The following BMPR1B variants were observed in gnomAD, a reference collection of about 807,000 sequenced individuals.
The protein encoded by BMPR1B is bone morphogenetic protein receptor type-1B.
A neutral mutation model predicts 59.1 loss-of-function variants in BMPR1B; 12 were observed. The ratio of observed to expected loss-of-function variants is 0.20; its 90% CI spans 0.13 to 0.33. The LOEUF is 0.33. BMPR1B is among the 10% of genes least tolerant of loss of function. BMPR1B has a pLI of 1.00. For synonymous variants in BMPR1B, 237 were observed against 207.3 expected, an observed-to-expected ratio of 1.14 and a Z score of -1.23; for missense variants, 550 against 610.9, an observed-to-expected ratio of 0.90 and a Z score of 1.05.
intron 2 of BMPR1B, among the ~76,000 whole-genome samples, chr4:94,980,608 T>A (rs1324681515): frequency 2.6e-5 from 4 of 152,196 alleles, no homozygotes; most frequent in African/African-American, 7.2e-5. Flanking sequence ...TCAGAATGAG[T>A]GTGGGTGTGT....
intron 3 of BMPR1B, among the ~76,000 whole-genome samples, chr4:95,022,242 G>A (rs2149138579): frequency 6.6e-6 from 1 of 152,186 alleles, no homozygotes; most frequent in East Asian, 1.9e-4. Context: ...TTGTTTTATT[G>A]GAAAGAAAAT....
intron 2 of BMPR1B, among the ~76,000 whole-genome samples, chr4:94,882,978 ATG>A (rs112253431): frequency 0.011 from 1,613 of 144,232 alleles, 22 homozygotes; most frequent in African/African-American, 0.033. Flanking sequence ...GTGTGTGTGT[ATG>A]TGTGTGTGTG....
chr4:94,987,814 G>GT (rs1455960553), intron 2 of BMPR1B, among the ~76,000 whole-genome samples: 2 of 151,834 alleles, frequency 1.3e-5, no homozygotes, highest in Non-Finnish European at 2.9e-5. Context: ...TTAATTATGG[G>GT]TATCTGTATG....
chr4:95,098,632 G>T (rs998794452), intron 3 of BMPR1B, among the ~76,000 whole-genome samples: 1 of 151,670 alleles, frequency 6.6e-6, no homozygotes, highest in African/African-American at 2.4e-5. Flanking sequence ...TTTTCTTAGC[G>T]TTTAAGGTGA....
chr4:94,991,482 A>G lies in BMPR1B; in HGVS notation c.-112-4558A>G, dbSNP rs1303678442. On this transcript the variant is annotated intron_variant, in intron 2 of 12. Coordinates refer to ENST00000515059, the MANE Select transcript of BMPR1B (RefSeq NM_001203.3). ...ATAGCAAATAACAAGGAAGTCTGCA[A>G]TTTTAAATAGTATGAGAGTGGTAGG... Among the ~76,000 whole-genome samples the G allele has an allele frequency of 9.2e-5, 14 of 152,242 alleles. 1 individual carries two copies. The highest frequency in any genetic ancestry group is 9.2e-4 in the Admixed American group (14 of 15,284).
chr4:95,120,283 C>T (rs778752830), intron 6 of BMPR1B, among the ~76,000 whole-genome samples: 3 of 152,220 alleles, frequency 2.0e-5, no homozygotes, highest in East Asian at 1.9e-4. Flanking sequence ...TGAGCAACTA[C>T]GTTGATTGTG....
chr4:94,844,194 T>G (rs1187400405), intron 1 of BMPR1B, among the ~76,000 whole-genome samples: 1 of 151,926 alleles, frequency 6.6e-6, no homozygotes, highest in Non-Finnish European at 1.5e-5. Flanking sequence ...AAAAAGAAAC[T>G]AATGTAGCCA....
At chr4:94,870,015 G>C (rs1726415547) in intron 1 of BMPR1B, among the ~76,000 whole-genome samples, 1 of 152,176 alleles carries the variant, frequency 6.6e-6, no homozygotes, top group Admixed American at 6.5e-5. Context: ...GTAGTCAGTA[G>C]ATTTACAAAG....
At chr4:94,826,733 C>T (rs930035678) in intron 1 of BMPR1B, among the ~76,000 whole-genome samples, 1 of 151,954 alleles carries the variant, frequency 6.6e-6, no homozygotes, top group African/African-American at 2.4e-5. Context: ...ACATTTTATT[C>T]TGCTTACCCA....
At chr4:94,885,801 A>T (rs1427248114) in intron 2 of BMPR1B, among the ~76,000 whole-genome samples, 1 of 152,212 alleles carries the variant, frequency 6.6e-6, no homozygotes, top group Admixed American at 6.5e-5. Flanking sequence ...CTAAATCTTC[A>T]GAAGAAGAAA....
intron 3 of BMPR1B, among the ~76,000 whole-genome samples, chr4:95,065,701 A>G (rs1225806043): frequency 6.6e-6 from 1 of 152,110 alleles, no homozygotes; most frequent in African/African-American, 2.4e-5. Flanking sequence ...AATTAAGTAC[A>G]TTATCCCTCC....
chr4:94,902,088 G>T (rs28361278), intron 2 of BMPR1B, among the ~76,000 whole-genome samples: 13,423 of 119,640 alleles, frequency 0.11, 730 homozygotes, highest in South Asian at 0.19. Context: ...TGTGTGTGTG[G>T]GGTGTATTTA....
In BMPR1B at chr4:95,085,328, C is replaced by T. The variant is rs144428129; in HGVS notation, c.-17-19080C>T. 2.0e-4 allele frequency among the ~76,000 whole-genome samples: 30 copies of T among 152,170 alleles called. No individual in the cohort carries two copies. In the East Asian group the frequency reaches 4.8e-3, roughly 25 times the overall value. On this transcript the variant is annotated intron_variant, in intron 3 of 12. Transcript: ENST00000515059. Reference sequence around the variant, plus strand: ...CAGCAAGCAAGGATGAAAGACAGTTCGCAAACAGGAGTTGCTTGTGAAGTC... The same window carrying T: ...CAGCAAGCAAGGATGAAAGACAGTTTGCAAACAGGAGTTGCTTGTGAAGTC...
At chr4:94,902,241 CACACACACAGAG>C (rs1170371757) in intron 2 of BMPR1B, among the ~76,000 whole-genome samples, 14 of 97,850 alleles carry the variant, frequency 1.4e-4, no homozygotes, top group African/African-American at 5.3e-4. Flanking sequence ...CACACACACA[CACACACACAGAG>C]AGAGAGAGAG....
At chr4:95,124,025 A>G (rs938587911) in intron 7 of BMPR1B, 119 bp downstream of exon 7, 2 of 700,974 alleles carry the variant, frequency 2.9e-6, no homozygotes, top group Non-Finnish European at 4.9e-6. Context: ...ATTAGATCTT[A>G]TAGTTAACTG....
intron 10 of BMPR1B, among the ~76,000 whole-genome samples, chr4:95,135,001 C>A (rs1030785999): frequency 6.6e-6 from 1 of 152,202 alleles, no homozygotes; most frequent in African/African-American, 2.4e-5. Context: ...TTAGGTCTCA[C>A]ATTTAAATCT....
chr4:94,915,356 A>C (rs1289050859), intron 2 of BMPR1B, among the ~76,000 whole-genome samples: 3 of 152,174 alleles, frequency 2.0e-5, no homozygotes, highest in Non-Finnish European at 4.4e-5. Flanking sequence ...AAGTTTTAAT[A>C]CCTGCAGGGA....
rs1486702588 is a variant in BMPR1B, at chr4:95,156,809, G to T, written c.*2136G>T. 1 of 152,128 alleles carries T rather than the reference G, an allele frequency of 6.6e-6. No individual in the cohort carries two copies. Among genetic ancestry groups the T allele is most frequent in the Non-Finnish European group, 1.5e-5 (1 of 68,000 alleles). The allele number at this position is 152,128 out of a possible 1,614,324, so 9.4% of individuals were successfully genotyped here. On this transcript the variant is annotated 3_prime_UTR_variant, in exon 13 of 13. Transcript: ENST00000515059. ...CAGTTATATTCTTAGGGATAGCCTA[G>T]AAGGAATATATGGTTAGAACTAAGT...
At chr4:94,841,236 C>T (rs908732013) in intron 1 of BMPR1B, among the ~76,000 whole-genome samples, 4 of 148,820 alleles carry the variant, frequency 2.7e-5, no homozygotes, top group African/African-American at 5.0e-5. Context: ...GCCCTGCCCC[C>T]AGAGGTGGAG....
Sources: allele counts gnomAD v4.1 joint callset (sites outside exome capture counted in the v4.1 genomes callset), GRCh38; gene constraint gnomAD v4.1.1; transcripts MANE v1.5; gene names NCBI Gene and HGNC (gene_info 2026-07-23, HGNC 2026-07-21).